The following FRMPD4 variants were observed in gnomAD, a reference collection of about 807,000 sequenced individuals.
FRMPD4 encodes the protein FERM and PDZ domain-containing protein 4.
Under a neutral mutation model 94.1 loss-of-function variants are expected in FRMPD4, and 22 were observed. That is an observed-to-expected ratio of 0.23 (90% CI 0.17 to 0.33). The LOEUF (loss-of-function observed/expected upper bound fraction) is 0.33. Ranked by LOEUF, FRMPD4 falls within the 10% of genes least tolerant of loss-of-function variation. The pLI, the probability that FRMPD4 is intolerant of heterozygous loss-of-function variation, is 1.00. For missense variants in FRMPD4, 1,111 were observed against 1,339.9 expected (o/e 0.83, Z 2.67); for synonymous variants, 631 against 548.6 (o/e 1.15, Z -2.10).
chrX:12,335,895 G>T (rs761489803), intron 1 of FRMPD4, among the ~76,000 whole-genome samples: 2 of 111,763 alleles, frequency 1.8e-5, no homozygotes, highest in Non-Finnish European at 3.8e-5. Context: ...CATTTATTTC[G>T]CCTCAATCAC....
chrX:12,216,487 G>A (rs1323050363), intron 1 of FRMPD4, among the ~76,000 whole-genome samples: 1 of 111,811 alleles, frequency 8.9e-6, no homozygotes, highest in Non-Finnish European at 1.9e-5. Flanking sequence ...GGTTCAAGCT[G>A]AAGGAACACA....
At chrX:12,152,923 A>ATTTTTTTTTTT (rs11432329) in intron 1 of FRMPD4, among the ~76,000 whole-genome samples, 1 of 75,753 alleles carries the variant, frequency 1.3e-5, no homozygotes, top group Non-Finnish European at 2.4e-5. Context: ...AAGCTTATAC[A>ATTTTTTTTTTT]TTTTTTTTTT....
intron 1 of FRMPD4, among the ~76,000 whole-genome samples, chrX:12,427,466 G>T (rs1159357883): frequency 9.0e-6 from 1 of 111,229 alleles, no homozygotes; most frequent in Admixed American, 9.6e-5. Flanking sequence ...GAGGGATGGA[G>T]ACAAGCTAGG....
intron 1 of FRMPD4, among the ~76,000 whole-genome samples, chrX:12,313,145 C>G (rs1380255275): frequency 1.8e-5 from 2 of 112,270 alleles, no homozygotes; most frequent in Non-Finnish European, 3.8e-5. Context: ...TAGAGTTCAT[C>G]CTGGGAGCCA....
chrX:12,303,091 C>A (rs778634310), intron 1 of FRMPD4, among the ~76,000 whole-genome samples: 1 of 111,665 alleles, frequency 9.0e-6, no homozygotes, highest in South Asian at 3.8e-4. Context: ...GGGAGAGATG[C>A]AACTTTCTCC....
chrX:12,086,707 C>G (rs1396859346), intron 3 of FRMPD4, among the ~76,000 whole-genome samples: 1 of 111,835 alleles, frequency 8.9e-6, no homozygotes, highest in Non-Finnish European at 1.9e-5. Context: ...TGCTGCCTCA[C>G]AAGTTACCAA....
At chrX:11,932,035 G>A (rs180784039) in intron 3 of FRMPD4, among the ~76,000 whole-genome samples, 11 of 111,713 alleles carry the variant, frequency 9.8e-5, no homozygotes, top group African/African-American at 9.8e-5. Context: ...GCTTAATGTC[G>A]GCATAGAATG....
rs752334108 is a variant in FRMPD4, at chrX:11,834,453, C to T, written c.-161+11738C>T. Among the ~76,000 whole-genome samples, 4 of 111,879 alleles carry T rather than the reference C, an allele frequency of 3.6e-5. No individual in the cohort carries two copies. The South Asian group carries it at 1.1e-3, about 31-fold the overall frequency. The stretch of plus-strand genomic sequence containing the variant: ...TGACAATTACCACATAATACCACAC[C>T]GTCTGTTTTTAGAAGAGTCTAAATG... On this transcript the variant is annotated intron_variant, in intron 1 of 18. Coordinates refer to the FRMPD4 transcript ENST00000640291.
intron 1 of FRMPD4, among the ~76,000 whole-genome samples, chrX:12,444,603 G>T (rs2057174667): frequency 8.9e-6 from 1 of 112,027 alleles, no homozygotes; most frequent in East Asian, 2.8e-4. Flanking sequence ...AGAATACTGG[G>T]TAATTTATAA....
intron 3 of FRMPD4, among the ~76,000 whole-genome samples, chrX:11,900,640 C>A (rs2053931502): frequency 9.0e-6 from 1 of 110,865 alleles, no homozygotes; most frequent in Non-Finnish European, 1.9e-5. Flanking sequence ...CCTATATATA[C>A]CCTCCCCTAG....
rs761763838 is a variant in FRMPD4, at chrX:12,288,896, ACT to A, written c.41+149887_41+149888del. Among the ~76,000 whole-genome samples the A allele has an allele frequency of 1.6e-4, 18 of 112,201 alleles. No individual in the cohort carries two copies. In the Admixed American group the frequency reaches 1.6e-3, roughly 10 times the overall value. On this transcript the variant is annotated intron_variant, in intron 1 of 16. Transcript: ENST00000675598. ...CAGCCAATTTATTGGAATTTGGCTA[ACT>A]CTGAATCTTGGGGAAGGCATGGGCA...
chrX:12,075,120 G>A (rs1425315490), intron 3 of FRMPD4, among the ~76,000 whole-genome samples: 1 of 112,322 alleles, frequency 8.9e-6, no homozygotes, highest in African/African-American at 3.2e-5. Context: ...GGAGGGAGAA[G>A]TGAAAAGGTG....
chrX:12,119,190 G>A (rs982014545), intron 3 of FRMPD4, among the ~76,000 whole-genome samples: 4 of 111,423 alleles, frequency 3.6e-5, no homozygotes, highest in African/African-American at 1.3e-4. Context: ...TTTTACAGTA[G>A]AGCCATACAT....
intron 3 of FRMPD4, among the ~76,000 whole-genome samples, chrX:11,928,814 T>C (rs1195215203): frequency 3.6e-5 from 4 of 112,586 alleles, no homozygotes; most frequent in African/African-American, 1.3e-4. Flanking sequence ...TGCACATGCA[T>C]GTTCATTGCA....
At chrX:12,435,313 A>G (rs1171974038) in intron 1 of FRMPD4, among the ~76,000 whole-genome samples, 5 of 111,217 alleles carry the variant, frequency 4.5e-5, no homozygotes. Context: ...TTTTTAAATC[A>G]CTCTGTTAAC....
At chrX:12,492,457 T>C (rs1032917242) in intron 1 of FRMPD4, among the ~76,000 whole-genome samples, 1 of 112,311 alleles carries the variant, frequency 8.9e-6, no homozygotes, top group African/African-American at 3.2e-5. Flanking sequence ...AGTATTTCAA[T>C]TTGGTTGTTA....
intron 1 of FRMPD4, among the ~76,000 whole-genome samples, chrX:12,171,993 T>C (rs781161855): frequency 6.3e-5 from 7 of 111,158 alleles, no homozygotes; most frequent in Non-Finnish European, 1.1e-4. Flanking sequence ...CTTACACTGG[T>C]TATGCCCTTT....
intron 2 of FRMPD4, among the ~76,000 whole-genome samples, chrX:11,872,224 A>C (rs1248789884): frequency 8.9e-6 from 1 of 112,243 alleles, no homozygotes; most frequent in African/African-American, 3.2e-5. Flanking sequence ...ATTCAACTTA[A>C]GTCTTTCATG....
chrX:12,161,265 T>A (rs1284598326), intron 1 of FRMPD4, among the ~76,000 whole-genome samples: 1 of 111,341 alleles, frequency 9.0e-6, no homozygotes, highest in Non-Finnish European at 1.9e-5. Context: ...CTCAAGCCAT[T>A]CTCCCGCCTC....
Sources: gnomAD v4.1 joint callset for allele counts (sites outside exome capture counted in the v4.1 genomes callset) on GRCh38, gnomAD v4.1.1 for gene constraint, MANE v1.5 for transcripts, NCBI Gene and HGNC (gene_info 2026-07-23, HGNC 2026-07-21) for gene names.